Variants in VPS13B observed in about 807,000 individuals in gnomAD.
VPS13B encodes vacuolar protein sorting 13 homolog B.
VPS13B carries 285 observed loss-of-function variants against 426.4 expected under a neutral mutation model. The ratio of observed to expected loss-of-function variants is 0.67; its 90% CI spans 0.61 to 0.74. VPS13B has a LOEUF of 0.74. Among genes scored for constraint, VPS13B ranks in the 30% least tolerant of loss-of-function variants. The pLI, the probability that VPS13B is intolerant of heterozygous loss-of-function variation, is 0.00. For synonymous variants in VPS13B, 1,676 were observed against 1,676.4 expected, an observed-to-expected ratio of 1.00 and a Z score of 0.01; for missense variants, 4,537 against 4,782.6, an observed-to-expected ratio of 0.95 and a Z score of 1.51.
At chr8:99,067,063 A>G (rs1430077360) in intron 3 of VPS13B, among the ~76,000 whole-genome samples, 2 of 152,308 alleles carry the variant, frequency 1.3e-5, no homozygotes, top group Middle Eastern at 3.4e-3. Context: ...AATTAGTTCA[A>G]CCATTGTGGA....
chr8:99,018,853 TC>T (rs1841747761), intron 2 of VPS13B, among the ~76,000 whole-genome samples: 1 of 152,186 alleles, frequency 6.6e-6, no homozygotes, highest in African/African-American at 2.4e-5. Flanking sequence ...ATATGATTTT[TC>T]TCTTTTATTT....
chr8:99,260,450 A>G (rs768064281), intron 17 of VPS13B, among the ~76,000 whole-genome samples: 17 of 152,106 alleles, frequency 1.1e-4, no homozygotes, highest in Non-Finnish European at 1.6e-4. Flanking sequence ...CCTTAAAAGC[A>G]ACCAGAGGGA....
intron 23 of VPS13B, among the ~76,000 whole-genome samples, chr8:99,443,325 T>C (rs76585015): frequency 0.048 from 7,304 of 152,236 alleles, 271 homozygotes; most frequent in Middle Eastern, 0.071. Context: ...GGTGTAAGTG[T>C]ATGAATCCTG....
In VPS13B at chr8:99,610,798, T is replaced by G. The variant is rs374463879; in HGVS notation, c.5221-31013T>G. Among the ~76,000 whole-genome samples, 22 of 152,282 alleles carry G rather than the reference T, an allele frequency of 1.4e-4. No individual in the cohort carries two copies. The East Asian group carries it at 3.3e-3, about 23-fold the overall frequency. ...TAAACAATATTAAAATGAGGAAACATTGGAAATTAGTTTTTTACTTATTTG... is the reference window on the plus strand; with the variant it reads ...TAAACAATATTAAAATGAGGAAACAGTGGAAATTAGTTTTTTACTTATTTG... On this transcript the variant is annotated intron_variant, in intron 33 of 61. Transcript: ENST00000357162.
chr8:99,420,657 C>T (rs1816317231), intron 21 of VPS13B, among the ~76,000 whole-genome samples: 1 of 152,152 alleles, frequency 6.6e-6, no homozygotes, highest in Admixed American at 6.5e-5. Context: ...TTAGCCACTA[C>T]TCTTTCTTGC....
intron 34 of VPS13B, among the ~76,000 whole-genome samples, chr8:99,651,448 A>G (rs190816805): frequency 6.6e-6 from 1 of 152,206 alleles, no homozygotes; most frequent in East Asian, 1.9e-4. Context: ...ATGATTTTCC[A>G]AGTAGATAGT....
chr8:99,128,877 C>T (rs1008299113), intron 8 of VPS13B, among the ~76,000 whole-genome samples: 3 of 152,080 alleles, frequency 2.0e-5, no homozygotes, highest in Admixed American at 6.6e-5. Flanking sequence ...CAGTGGCTCA[C>T]GCCTGTAATC....
At chr8:99,535,931 A>G (rs761298879) in intron 30 of VPS13B, among the ~76,000 whole-genome samples, 1 of 152,066 alleles carries the variant, frequency 6.6e-6, no homozygotes, top group Non-Finnish European at 1.5e-5. Context: ...AATTCAAAAT[A>G]TAAATGATTT....
At position 99,575,705 on chromosome 8, in the gene VPS13B, C is replaced by T; in HGVS notation, c.4997C>T (p.Thr1666Ile). Residue 1666 changes from threonine to isoleucine, a missense_variant, in exon 32 of 62, where the codon ACA becomes ATA. Physicochemically the swap from Thr to Ile is moderately conservative, Grantham distance 89. This residue lies in a region of VPS13B where 4,311 missense variants were observed against 4,474.3 expected (regional missense o/e 0.96). Coordinates refer to ENST00000357162, the MANE Select transcript of VPS13B (RefSeq NM_152564.5). ...AGAGCAATTTTGACCCCCGTTTTGA[C>T]AGATTTTTCTGTCCGAATAACTGGA... ...ERRAILTPVLTDFSVRITGAP... is the reference protein window; with the variant it reads ...ERRAILTPVLIDFSVRITGAP... 3.1e-6 allele frequency: 5 copies of T among 1,613,880 alleles called. No individual in the cohort carries two copies. The highest frequency in any genetic ancestry group is 4.2e-6 in the Non-Finnish European group (5 of 1,179,890).
intron 23 of VPS13B, among the ~76,000 whole-genome samples, chr8:99,442,900 G>A (rs1486786267): frequency 1.3e-5 from 2 of 151,902 alleles, no homozygotes; most frequent in Non-Finnish European, 2.9e-5. Context: ...AATTAACTTG[G>A]GAAGAAAATT....
intron 61 of VPS13B, among the ~76,000 whole-genome samples, 155 bp downstream of exon 61, chr8:99,871,852 C>T (rs979148421): frequency 2.0e-5 from 3 of 152,186 alleles, no homozygotes; most frequent in Non-Finnish European, 2.9e-5. Flanking sequence ...GTGTAGAGGC[C>T]GGAGGGCCGC....
intron 17 of VPS13B, among the ~76,000 whole-genome samples, chr8:99,197,965 T>G (rs185941192): frequency 3.5e-4 from 54 of 152,278 alleles, no homozygotes; most frequent in African/African-American, 1.2e-3. Context: ...CACCATTAAT[T>G]TGAATGGCAA....
At chr8:99,438,200 G>C (rs1817496176) in intron 22 of VPS13B, among the ~76,000 whole-genome samples, 1 of 151,822 alleles carries the variant, frequency 6.6e-6, no homozygotes, top group Non-Finnish European at 1.5e-5. Flanking sequence ...GTGTTATTTT[G>C]ATGAGAGTGT....
chr8:99,394,207 G>A (rs1814610829), intron 21 of VPS13B, among the ~76,000 whole-genome samples: 1 of 151,996 alleles, frequency 6.6e-6, no homozygotes, highest in Admixed American at 6.6e-5. Context: ...TTATTTCTGA[G>A]TTCTTATTAA....
chr8:99,138,267 C>T (rs1262936312), intron 12 of VPS13B, among the ~76,000 whole-genome samples: 1 of 152,230 alleles, frequency 6.6e-6, no homozygotes, highest in Non-Finnish European at 1.5e-5. Flanking sequence ...GCTGGGACTA[C>T]AGGCATGCGC....
intron 17 of VPS13B, among the ~76,000 whole-genome samples, chr8:99,257,757 T>C (rs1433882168): frequency 6.6e-6 from 1 of 152,126 alleles, no homozygotes; most frequent in African/African-American, 2.4e-5. Flanking sequence ...TGTAGTATTT[T>C]TAAATGACCT....
chr8:99,703,087 C>A (rs989681074), intron 36 of VPS13B, among the ~76,000 whole-genome samples: 3 of 152,048 alleles, frequency 2.0e-5, no homozygotes, highest in African/African-American at 4.8e-5. Context: ...TTTTCTCCCC[C>A]GGGCATTCCG....
At position 99,808,360 on chromosome 8, in the gene VPS13B, A is replaced by G. The variant is rs539117885; in HGVS notation, c.7942-1015A>G. ...TGGTGAAACCTCATCTCTACTAAAA[A>G]TACAAAAATTAGCCAGTCGTGGTGG... On this transcript the variant is annotated intron_variant, in intron 43 of 61. Transcript: ENST00000357162. 3.3e-5 allele frequency among the ~76,000 whole-genome samples: 5 copies of G among 152,168 alleles called. No homozygotes were observed. The South Asian group carries it at 1.0e-3, about 32-fold the overall frequency.
At chr8:99,331,714 T>C (rs1218086028) in intron 19 of VPS13B, among the ~76,000 whole-genome samples, 1 of 151,722 alleles carries the variant, frequency 6.6e-6, no homozygotes, top group African/African-American at 2.4e-5. Context: ...TGATGTTGGT[T>C]TGGTGTAGGT....
Sources: allele counts gnomAD v4.1 joint callset (sites outside exome capture counted in the v4.1 genomes callset), GRCh38; gene constraint gnomAD v4.1.1; regional missense constraint gnomAD v4.1.1; transcripts MANE v1.5; gene names NCBI Gene and HGNC (gene_info 2026-07-23, HGNC 2026-07-21).